The following ESRRG variants were observed in gnomAD, a reference collection of about 807,000 sequenced individuals.
ESRRG encodes estrogen-related receptor gamma.
Under a neutral mutation model 44.0 loss-of-function variants are expected in ESRRG, and 13 were observed. The observed-to-expected ratio is 0.30, with a 90% CI of 0.19 to 0.47. The LOEUF is 0.47. Ranked by LOEUF, ESRRG falls within the 20% of genes least tolerant of loss-of-function variation. The probability of loss-of-function intolerance (pLI) is 1.00; values close to 1 mark genes in which losing one functional copy is unlikely to be tolerated. For synonymous variants in ESRRG, 215 were observed against 214.6 expected (o/e 1.00, Z -0.02); for missense variants, 395 against 580.6 (o/e 0.68, Z 3.29).
intron 2 of ESRRG, among the ~76,000 whole-genome samples, chr1:216,831,400 C>A (rs1350887098): frequency 1.3e-5 from 2 of 151,924 alleles, no homozygotes; most frequent in Non-Finnish European, 2.9e-5. Context: ...TCTAAACTCG[C>A]TTTTACCAAA....
At chr1:217,077,657 G>C (rs1288530858) in intron 1 of ESRRG, among the ~76,000 whole-genome samples, 1 of 152,166 alleles carries the variant, frequency 6.6e-6, no homozygotes. Flanking sequence ...CACTGGGTAG[G>C]ATTCAATTAA....
chr1:216,735,422 G>C (rs1234845759), intron 2 of ESRRG, among the ~76,000 whole-genome samples: 1 of 150,866 alleles, frequency 6.6e-6, no homozygotes, highest in African/African-American at 2.4e-5. Context: ...TGCCCAGGCT[G>C]GTTTCAAGCT....
chr1:216,599,471 A>G (rs2058896702), intron 3 of ESRRG, among the ~76,000 whole-genome samples: 1 of 152,304 alleles, frequency 6.6e-6, no homozygotes, highest in Non-Finnish European at 1.5e-5. Context: ...TAACAAGGAA[A>G]AAAAATCCTT....
At chr1:216,893,195 C>T (rs191887285) in intron 2 of ESRRG, among the ~76,000 whole-genome samples, 2 of 152,288 alleles carry the variant, frequency 1.3e-5, no homozygotes, top group African/African-American at 4.8e-5. Context: ...TCCATCCATT[C>T]TGTTTCCTTT....
intron 1 of ESRRG, among the ~76,000 whole-genome samples, chr1:217,098,005 G>C (rs2092449253): frequency 6.6e-6 from 1 of 152,164 alleles, no homozygotes; most frequent in Admixed American, 6.5e-5. Context: ...CCAGGCAATA[G>C]TATTGCTTTA....
chr1:216,918,278 T>C (rs1391643341), intron 2 of ESRRG, among the ~76,000 whole-genome samples: 1 of 152,174 alleles, frequency 6.6e-6, no homozygotes, highest in Non-Finnish European at 1.5e-5. Flanking sequence ...ATGTTAAATG[T>C]GCTAATGAAT....
intron 2 of ESRRG, among the ~76,000 whole-genome samples, chr1:216,675,430 G>A (rs2075932317): frequency 6.6e-6 from 1 of 152,054 alleles, no homozygotes; most frequent in Admixed American, 6.6e-5. Flanking sequence ...TCAGAATCAT[G>A]TTTTGTGAAA....
chr1:216,572,337 G>A (rs1270885078), intron 3 of ESRRG, among the ~76,000 whole-genome samples: 1 of 151,972 alleles, frequency 6.6e-6, no homozygotes, highest in African/African-American at 2.4e-5. Context: ...CTACAAACAA[G>A]GGACATAGCT....
chr1:216,580,019 A>G (rs886320180), intron 3 of ESRRG, among the ~76,000 whole-genome samples: 1 of 152,212 alleles, frequency 6.6e-6, no homozygotes, highest in Non-Finnish European at 1.5e-5. Flanking sequence ...AGTGGAGTGC[A>G]TAGTGAAAAT....
At chr1:216,820,398 A>G (rs886174777) in intron 2 of ESRRG, among the ~76,000 whole-genome samples, 1 of 152,232 alleles carries the variant, frequency 6.6e-6, no homozygotes, top group Non-Finnish European at 1.5e-5. Context: ...AGGGTTATGT[A>G]AATTGTAGGA....
At chr1:216,725,808 T>A (rs1352783152), upstream of ESRRG, among the ~76,000 whole-genome samples, 1 of 152,178 alleles carries the variant, frequency 6.6e-6, no homozygotes, top group African/African-American at 2.4e-5. Context: ...AAAGAATGCA[T>A]TCCGATTTTG....
intron 5 of ESRRG, among the ~76,000 whole-genome samples, chr1:216,553,356 A>G (rs2056848562): frequency 6.6e-6 from 1 of 152,148 alleles, no homozygotes; most frequent in South Asian, 2.1e-4. Context: ...CCCTAGTGTT[A>G]TGGTATTTAA....
intron 5 of ESRRG, among the ~76,000 whole-genome samples, chr1:216,552,599 G>A (rs1055829491): frequency 6.6e-6 from 1 of 152,194 alleles, no homozygotes; most frequent in Admixed American, 6.5e-5. Flanking sequence ...CTTATATATG[G>A]GCATACTGAG....
intron 2 of ESRRG, among the ~76,000 whole-genome samples, chr1:216,778,517 C>A (rs1173214414): frequency 1.3e-5 from 2 of 151,832 alleles, no homozygotes; most frequent in African/African-American, 4.8e-5. Flanking sequence ...GTCTATAGAT[C>A]CCTGGGTCAC....
intron 2 of ESRRG, among the ~76,000 whole-genome samples, chr1:216,802,952 G>A (rs2094670758): frequency 6.6e-6 from 1 of 152,132 alleles, no homozygotes; most frequent in Non-Finnish European, 1.5e-5. Context: ...TGCTGTTTTA[G>A]TGAGTGCTCA....
intron 3 of ESRRG, among the ~76,000 whole-genome samples, chr1:216,625,051 T>C (rs759806415): frequency 6.6e-6 from 1 of 152,162 alleles, no homozygotes; most frequent in Non-Finnish European, 1.5e-5. Flanking sequence ...TAACAGACTC[T>C]GTCAGATTTA....
chr1:216,601,346 C>A (rs1426371463), intron 3 of ESRRG, among the ~76,000 whole-genome samples: 1 of 152,130 alleles, frequency 6.6e-6, no homozygotes, highest in Non-Finnish European at 1.5e-5. Context: ...GCGTCCGGAG[C>A]CGACGCCGGG....
In ESRRG at chr1:216,713,926, T is replaced by C. The variant is rs1055257701; in HGVS notation, c.56+9318A>G. 1.7e-4 allele frequency among the ~76,000 whole-genome samples: 26 copies of C among 152,214 alleles called. 1 individual carries two copies. The highest frequency in any genetic ancestry group is 2.9e-5 in the Non-Finnish European group (2 of 68,034). ...AAAGCTCTCTCAGTCTTATCAGGTG[T>C]ATGAACAGCACAGTTAACTGAAAAC... On this transcript the variant is annotated intron_variant, in intron 1 of 6. Coordinates refer to ENST00000408911, the MANE Select transcript of ESRRG (RefSeq NM_001438.4).
intron 3 of ESRRG, among the ~76,000 whole-genome samples, chr1:216,623,179 T>C (rs1195982333): frequency 7.1e-6 from 1 of 140,402 alleles, no homozygotes; most frequent in Non-Finnish European, 1.5e-5. Context: ...GCCTCCTGGG[T>C]TCACGCCATT....
Sources: gnomAD v4.1 joint callset for allele counts (sites outside exome capture counted in the v4.1 genomes callset) on GRCh38, gnomAD v4.1.1 for gene constraint, MANE v1.5 for transcripts, NCBI Gene and HGNC (gene_info 2026-07-23, HGNC 2026-07-21) for gene names.